The following APBB2 variants were observed in gnomAD, a reference collection of about 807,000 sequenced individuals.
The protein encoded by APBB2 is amyloid beta precursor protein binding family B member 2, also known as Fe65-like 1.
A neutral mutation model predicts 82.5 loss-of-function variants in APBB2; 38 were observed. The ratio of observed to expected loss-of-function variants is 0.46; its 90% CI spans 0.36 to 0.60. The LOEUF is 0.60. Ranked by LOEUF, APBB2 falls within the 20% of genes least tolerant of loss-of-function variation. The pLI, the probability that APBB2 is intolerant of heterozygous loss-of-function variation, is 0.00. For missense variants in APBB2, 772 were observed against 972.3 expected, an observed-to-expected ratio of 0.79 and a Z score of 2.74; for synonymous variants, 341 against 368.2, an observed-to-expected ratio of 0.93 and a Z score of 0.85.
chr4:41,013,737 T>C lies in APBB2; in HGVS notation c.681A>G (p.Ser227=). 6.2e-7 allele frequency: 1 copy of C among 1,614,214 alleles called. No homozygotes were observed. Among genetic ancestry groups the C allele is most frequent in the Non-Finnish European group, 8.5e-7 (1 of 1,180,028 alleles). ...GATCCTTCTTGGTTTCTGGGCTGGA[T>C]GACACTGTGGCTACTTGGCCGTCTT... The part of the protein sequence containing the change: ...SPEDGQVATV[S]SSPETKKDHP... Residue 227 remains serine (S), a synonymous_variant, in exon 6 of 18, where the codon TCA becomes TCG. Coordinates refer to ENST00000508593, the MANE Select transcript of APBB2 (RefSeq NM_004307.2).
chr4:41,117,227 T>C (rs1028466116), intron 2 of APBB2, among the ~76,000 whole-genome samples: 1 of 151,902 alleles, frequency 6.6e-6, no homozygotes, highest in African/African-American at 2.4e-5. Flanking sequence ...GAAACTCTCA[T>C]ATGTGTTCTT....
intron 12 of APBB2, among the ~76,000 whole-genome samples, chr4:40,885,804 C>T (rs576209851): frequency 6.6e-6 from 1 of 152,190 alleles, no homozygotes; most frequent in Non-Finnish European, 1.5e-5. Flanking sequence ...TGTGTTTCCA[C>T]CGAGGAAACG....
intron 6 of APBB2, among the ~76,000 whole-genome samples, chr4:41,006,382 C>A (rs1023074336): frequency 2.0e-5 from 3 of 152,132 alleles, no homozygotes; most frequent in Non-Finnish European, 2.9e-5. Context: ...AGTGAGTCAC[C>A]CAAGGTCCTT....
At chr4:41,045,136 T>C (rs1680687574) in intron 4 of APBB2, among the ~76,000 whole-genome samples, 1 of 152,158 alleles carries the variant, frequency 6.6e-6, no homozygotes, top group Non-Finnish European at 1.5e-5. Context: ...ATTTCTAAGA[T>C]GATTTTTTTT....
In APBB2 at chr4:41,118,402, T is replaced by TA. The variant is rs371272990; in HGVS notation, c.-260-17653dup. On this transcript the variant is annotated intron_variant, in intron 2 of 17. Transcript: ENST00000508593. ...TCTAAGCCTCCGTTTTCCTCATCTA[T>TA]AAAATGATGATGATACCTTTACCAC... 2.2e-3 allele frequency among the ~76,000 whole-genome samples: 329 copies of TA among 152,258 alleles called. 1 individual carries two copies. Among genetic ancestry groups the TA allele is most frequent in the African/African-American group, 7.4e-3 (307 of 41,542 alleles).
At chr4:40,932,452 C>T (rs1251649702) in intron 10 of APBB2, among the ~76,000 whole-genome samples, 1 of 152,210 alleles carries the variant, frequency 6.6e-6, no homozygotes, top group Non-Finnish European at 1.5e-5. Context: ...CCCTAAGATA[C>T]TTACAGAACC....
intron 10 of APBB2, among the ~76,000 whole-genome samples, chr4:40,928,855 A>G (rs903931355): frequency 9.9e-5 from 15 of 151,558 alleles, no homozygotes; most frequent in Non-Finnish European, 1.9e-4. Context: ...ACTGCACTCC[A>G]GCCTGGATGA....
At chr4:40,883,314 C>T (rs913977128) in intron 12 of APBB2, among the ~76,000 whole-genome samples, 14 of 152,092 alleles carry the variant, frequency 9.2e-5, no homozygotes, top group Admixed American at 6.5e-4. Flanking sequence ...CAGAGCGAGA[C>T]GGTGGCTCAC....
At chr4:40,969,493 G>A (rs1159177040) in intron 6 of APBB2, among the ~76,000 whole-genome samples, 1 of 152,194 alleles carries the variant, frequency 6.6e-6, no homozygotes, top group African/African-American at 2.4e-5. Context: ...CAACAGATGA[G>A]ATGAATTTGT....
chr4:41,082,649 T>G (rs948672630), intron 3 of APBB2, among the ~76,000 whole-genome samples: 1 of 151,650 alleles, frequency 6.6e-6, no homozygotes, highest in African/African-American at 2.4e-5. Flanking sequence ...CATAGCTCCC[T>G]GCAGCTTCAA....
chr4:41,116,860 G>A lies in APBB2; in HGVS notation c.-260-16110C>T, dbSNP rs376028692. On this transcript the variant is annotated intron_variant, in intron 2 of 17. Coordinates refer to ENST00000508593, the MANE Select transcript of APBB2 (RefSeq NM_004307.2). ...GCCTTACACCTTTCTCTCTCTCGTC[G>A]TGTTGTCTTGCCAAATTAAATTATA... Among the ~76,000 whole-genome samples the A allele has an allele frequency of 7.9e-5, 12 of 152,132 alleles. No individual in the cohort carries two copies. The South Asian group carries it at 2.5e-3, about 32-fold the overall frequency.
intron 6 of APBB2, among the ~76,000 whole-genome samples, chr4:41,004,270 G>A (rs1418839849): frequency 6.6e-6 from 1 of 152,078 alleles, no homozygotes; most frequent in African/African-American, 2.4e-5. Context: ...TGTTACACCA[G>A]CCGTAAGAAA....
intron 3 of APBB2, among the ~76,000 whole-genome samples, chr4:41,088,319 T>C (rs1230789129): frequency 6.6e-6 from 1 of 152,224 alleles, no homozygotes; most frequent in Non-Finnish European, 1.5e-5. Flanking sequence ...TCAAAGACTC[T>C]TGACCACATC....
chr4:41,032,313 A>T (rs990245502), intron 5 of APBB2, among the ~76,000 whole-genome samples: 3 of 152,154 alleles, frequency 2.0e-5, no homozygotes, highest in Non-Finnish European at 2.9e-5. Context: ...TTTAATATGA[A>T]ATGTTTCTGC....
intron 7 of APBB2, 72 bp from the exon 8 acceptor site, chr4:40,935,211 A>G: frequency 4.4e-6 from 5 of 1,130,076 alleles, no homozygotes; most frequent in Non-Finnish European, 6.3e-6. Flanking sequence ...AGAAAAAAAA[A>G]AAACACAAGA....
At chr4:41,185,168 AG>A (rs1400970602) in intron 1 of APBB2, among the ~76,000 whole-genome samples, 2 of 152,212 alleles carry the variant, frequency 1.3e-5, no homozygotes, top group Non-Finnish European at 2.9e-5. Context: ...AAGGGCAATA[AG>A]TATTTGGATA....
In APBB2 at chr4:40,810,143, A is replaced by T. The variant is rs1002258922; in HGVS notation, c.*5949T>A. The T allele has an allele frequency of 2.6e-5, 4 of 152,238 alleles. No homozygotes were observed. The highest frequency in any genetic ancestry group is 5.9e-5 in the Non-Finnish European group (4 of 68,032). 9.4% of individuals were successfully genotyped at this position (152,238 alleles called of 1,614,324 possible). On this transcript the variant is annotated 3_prime_UTR_variant, in exon 18 of 18. Coordinates refer to ENST00000508593, the MANE Select transcript of APBB2 (RefSeq NM_004307.2). ...TTAGAATATTATCTTCTTCAAGATG[A>T]ATACTTAGGTCTACTTCAGCTCTGA...
chr4:41,142,047 G>T (rs1759373140), intron 2 of APBB2, among the ~76,000 whole-genome samples: 2 of 152,166 alleles, frequency 1.3e-5, no homozygotes, highest in South Asian at 4.1e-4. Flanking sequence ...AATGAAACAA[G>T]GGCAATTGTC....
chr4:40,856,072 C>T (rs1015200664), intron 12 of APBB2, among the ~76,000 whole-genome samples: 2 of 151,892 alleles, frequency 1.3e-5, no homozygotes, highest in African/African-American at 4.8e-5. Context: ...GAAGGGCCAA[C>T]TGCTCAATGG....
Sources: gnomAD v4.1 joint callset for allele counts (sites outside exome capture counted in the v4.1 genomes callset) on GRCh38, gnomAD v4.1.1 for gene constraint, MANE v1.5 for transcripts, NCBI Gene and HGNC (gene_info 2026-07-23, HGNC 2026-07-21) for gene names.